HCFC2: variants seen among roughly 807,000 people sequenced by gnomAD.
HCFC2 encodes the protein host cell factor C2.
In HCFC2, 18 loss-of-function variants were observed where a neutral mutation model predicts 89.2. That is an observed-to-expected ratio of 0.20 (90% CI 0.14 to 0.30). The LOEUF is 0.30. HCFC2 is among the 10% of genes least tolerant of loss of function. The probability of loss-of-function intolerance (pLI) is 1.00; values close to 1 mark genes in which losing one functional copy is unlikely to be tolerated. For synonymous variants in HCFC2, 308 were observed against 335.7 expected (o/e 0.92, Z 0.90); for missense variants, 578 against 956.1 (o/e 0.60, Z 5.21).
intron 7 of HCFC2, among the ~76,000 whole-genome samples, chr12:104,086,037 G>A (rs145289977): frequency 8.0e-6 from 1 of 125,376 alleles, no homozygotes; most frequent in East Asian, 2.4e-4. Flanking sequence ...TCACTCTGCC[G>A]CCCAGGCTGG....
At position 104,079,505 on chromosome 12, in the gene HCFC2, C is replaced by G; in HGVS notation, c.534C>G (p.Ser178Arg). ...ATGGCTCTGGTGTTGTGGGTTGGAG[C>G]ATTCCAGTGACTAAAGGGGTTGTGC... is the stretch of plus-strand genomic sequence containing the variant. ...LQHGSGVVGW[S>R]IPVTKGVVPS... The change falls in exon 4 of 15, where the codon AGC (serine) becomes AGG (arginine). Residue 178 changes from serine (S) to arginine (R), a missense_variant. Physicochemically the swap from Ser to Arg is moderately radical, Grantham distance 110 (BLOSUM62 -1). This residue lies in a region of HCFC2 where 206 missense variants were observed against 419.2 expected (regional missense o/e 0.49). Coordinates refer to ENST00000229330, the MANE Select transcript of HCFC2 (RefSeq NM_013320.3). The G allele has an allele frequency of 6.2e-7, 1 of 1,614,038 alleles. No homozygotes were observed. Among genetic ancestry groups the G allele is most frequent in the South Asian group, 1.1e-5 (1 of 91,082 alleles).
chr12:104,080,801 C>T lies in HCFC2; in HGVS notation c.738C>T (p.Ser246=). The change falls in exon 5 of 15, where the codon AGC becomes AGT. Residue 246 remains serine (S), a synonymous_variant. Transcript: ENST00000229330. ...ETKGTVPLPR[S]LHTASVIGNK... is the part of the protein sequence containing the mutation. ...AAGGGACAGTGCCACTTCCACGAAG[C>T]CTTCATACAGCCAGTGTTATAGGAA... The T allele has an allele frequency of 6.2e-7, 1 of 1,609,386 alleles. No individual in the cohort carries two copies. The highest frequency in any genetic ancestry group is 8.5e-7 in the Non-Finnish European group (1 of 1,177,946).
chr12:104,098,119 A>G, intron 12 of HCFC2: 4 of 418,928 alleles, frequency 9.5e-6, no homozygotes, highest in Non-Finnish European at 4.2e-6. Flanking sequence ...GATAGTACAG[A>G]GCTACTGACT....
rs535189823 is a variant in HCFC2, at chr12:104,075,659, C to A, written c.474-3786C>A. Among the ~76,000 whole-genome samples, 14 of 152,172 alleles carry A rather than the reference C, an allele frequency of 9.2e-5. No homozygotes were observed. The East Asian group carries it at 2.5e-3, about 27-fold the overall frequency. On this transcript the variant is annotated intron_variant, in intron 3 of 14. Coordinates refer to ENST00000229330, the MANE Select transcript of HCFC2 (RefSeq NM_013320.3). ...GTTTTTTGTTGAGACAGGATCTTGCCATGTTGTCCAGGCTGGTCTTGAACT... is the reference window on the plus strand; with the variant it reads ...GTTTTTTGTTGAGACAGGATCTTGCAATGTTGTCCAGGCTGGTCTTGAACT...
At chr12:104,077,584 T>C (rs1204980003) in intron 3 of HCFC2, among the ~76,000 whole-genome samples, 1 of 151,000 alleles carries the variant, frequency 6.6e-6, no homozygotes, top group African/African-American at 2.4e-5. Flanking sequence ...TCTTATTAAC[T>C]GCTTTCTATA....
rs769346059 is a variant in HCFC2 at position 104,067,927 on chromosome 12, T to C, written c.313-20T>C. On this transcript the variant is annotated intron_variant, in intron 2 of 14. Coordinates refer to ENST00000229330, the MANE Select transcript of HCFC2 (RefSeq NM_013320.3). ...TTTCTTGATTTTGTCTGACTGTATT[T>C]GTGCCCTTTTTTTTTTTAGGCAAGT... is the stretch of plus-strand genomic sequence containing the variant. The C allele has an allele frequency of 1.3e-6, 2 of 1,572,746 alleles. No homozygotes were observed. The highest frequency in any genetic ancestry group is 1.7e-6 in the Non-Finnish European group (2 of 1,166,900).
At chr12:104,081,672 T>C (rs1299660540) in intron 5 of HCFC2, among the ~76,000 whole-genome samples, 1 of 151,724 alleles carries the variant, frequency 6.6e-6, no homozygotes, top group Non-Finnish European at 1.5e-5. Flanking sequence ...ATCTTATACA[T>C]TTTTTTAACT....
At chr12:104,099,831 A>G (rs1419542368) in intron 13 of HCFC2, among the ~76,000 whole-genome samples, 1 of 151,982 alleles carries the variant, frequency 6.6e-6, no homozygotes, top group African/African-American at 2.4e-5. Flanking sequence ...ATGACCAGCT[A>G]ATTTTTGTAG....
rs756632234 is a variant in HCFC2, at chr12:104,106,365, C to A, written c.*3092C>A. 7.9e-5 allele frequency: 12 copies of A among 152,064 alleles called. No individual in the cohort carries two copies. Among genetic ancestry groups the A allele is most frequent in the Non-Finnish European group, 1.5e-4 (10 of 67,962 alleles). 9.4% of individuals were successfully genotyped at this position (152,064 alleles called of 1,614,324 possible). Reference sequence around the variant, plus strand: ...TATTAGTATTTAAAATTATTGTAGTCATTTGATCATAAATGAAGTAGCTTG... The same window carrying A: ...TATTAGTATTTAAAATTATTGTAGTAATTTGATCATAAATGAAGTAGCTTG... On this transcript the variant is annotated 3_prime_UTR_variant, in exon 15 of 15. Coordinates refer to ENST00000229330, the MANE Select transcript of HCFC2 (RefSeq NM_013320.3).
At chr12:104,091,132 C>CCATACTTGTATCATCCT in intron 9 of HCFC2, among the ~76,000 whole-genome samples, 1 of 152,194 alleles carries the variant, frequency 6.6e-6, no homozygotes, top group Non-Finnish European at 1.5e-5. Context: ...GTGCCTCTCC[C>CCATACTTGTATCATCCT]CATACTTGTA....
Position 104,105,912 on chromosome 12 carries a change from C to G in HCFC2, c.*2639C>G, listed in dbSNP as rs2030073799. The G allele has an allele frequency of 6.6e-6, 1 of 152,024 alleles. No individual in the cohort carries two copies. Among genetic ancestry groups the G allele is most frequent in the Non-Finnish European group, 1.5e-5 (1 of 67,928 alleles). 9.4% of individuals were successfully genotyped at this position (152,024 alleles called of 1,614,324 possible). On this transcript the variant is annotated 3_prime_UTR_variant, in exon 15 of 15. Coordinates refer to ENST00000229330, the MANE Select transcript of HCFC2 (RefSeq NM_013320.3). ...AGTCAGGTAAGCAGTTCAAATATAA[C>G]AAGACTTTGTGCCAGTCCTCTTCTG...
At chr12:104,089,718 A>G (rs1017847260) in intron 9 of HCFC2, among the ~76,000 whole-genome samples, 1 of 152,136 alleles carries the variant, frequency 6.6e-6, no homozygotes, top group African/African-American at 2.4e-5. Context: ...TGATGTTTAC[A>G]CTGTGATGGT....
At chr12:104,066,936 C>G (rs192358039) in intron 2 of HCFC2, among the ~76,000 whole-genome samples, 2 of 151,792 alleles carry the variant, frequency 1.3e-5, no homozygotes, top group Admixed American at 1.3e-4. Context: ...TACAGGCACG[C>G]GCCACCATGC....
chr12:104,081,687 A>G (rs999613933), intron 5 of HCFC2, among the ~76,000 whole-genome samples: 1 of 151,560 alleles, frequency 6.6e-6, no homozygotes, highest in Non-Finnish European at 1.5e-5. Context: ...TTAACTGAAG[A>G]GGCATTTTAT....
Position 104,095,300 on chromosome 12 carries a change from A to G in HCFC2, c.1463-60A>G, listed in dbSNP as rs577876391. The stretch of plus-strand genomic sequence containing the variant: ...CCAAGAATCATATGACAAGAACGAT[A>G]AGACACAACAATTATCTGCAGATAT... On this transcript the variant is annotated intron_variant, in intron 10 of 14. Transcript: ENST00000229330. The surrounding 1 kb of genome is among the most constrained non-coding windows in gnomAD (Gnocchi z 4.2). 3.1e-6 allele frequency: 4 copies of G among 1,291,900 alleles called. No homozygotes were observed. In the African/African-American group the frequency reaches 4.4e-5, roughly 14 times the overall value. 80.0% of individuals were successfully genotyped at this position (1,291,900 alleles called of 1,614,324 possible).
intron 3 of HCFC2, among the ~76,000 whole-genome samples, chr12:104,078,117 G>A (rs918341875): frequency 2.0e-5 from 3 of 152,060 alleles, no homozygotes; most frequent in Non-Finnish European, 2.9e-5. Flanking sequence ...TCCTGCCTCA[G>A]CCTCCCGAGT....
chr12:104,066,244 G>A lies in HCFC2; in HGVS notation c.241G>A (p.Gly81Ser). The part of the protein sequence containing the change: ...GCAAHGFVCD[G>S]TRILVFGGMV... Reference sequence around the variant, plus strand: ...TGCTGCCCATGGATTTGTCTGTGATGGTACCAGAATATTAGTATTTGGGGG... The same window carrying A: ...TGCTGCCCATGGATTTGTCTGTGATAGTACCAGAATATTAGTATTTGGGGG... The change falls in exon 2 of 15, where the codon GGT becomes AGT. Residue 81 changes from glycine to serine, a missense_variant. Gly to Ser is a moderately conservative substitution (Grantham distance 56, BLOSUM62 0). Coordinates refer to ENST00000229330, the MANE Select transcript of HCFC2 (RefSeq NM_013320.3). The A allele has an allele frequency of 6.2e-7, 1 of 1,612,370 alleles. No individual in the cohort carries two copies. The highest frequency in any genetic ancestry group is 8.5e-7 in the Non-Finnish European group (1 of 1,179,022).
intron 13 of HCFC2, 132 bp downstream of exon 13, chr12:104,098,612 C>G (rs1326409500): frequency 1.2e-6 from 1 of 844,522 alleles, no homozygotes; most frequent in Non-Finnish European, 1.8e-6. Flanking sequence ...ATTCAGGTCA[C>G]TTGAATGAGT....
chr12:104,081,494 A>G (rs929033683), intron 5 of HCFC2, among the ~76,000 whole-genome samples: 2 of 152,224 alleles, frequency 1.3e-5, no homozygotes, highest in African/African-American at 4.8e-5. Context: ...TTGTGCCACA[A>G]TTAGAAGTAC....
Sources: gnomAD v4.1 joint callset for allele counts (sites outside exome capture counted in the v4.1 genomes callset) on GRCh38, gnomAD v4.1.1 for gene constraint, gnomAD v4.1.1 regional missense constraint, Gnocchi (gnomAD v3.1) non-coding constraint, MANE v1.5 for transcripts, NCBI Gene and HGNC (gene_info 2026-07-23, HGNC 2026-07-21) for gene names.